SMPDL3B: variants seen among roughly 807,000 people sequenced by gnomAD.
SMPDL3B encodes the protein acid sphingomyelinase-like phosphodiesterase 3b.
A neutral mutation model predicts 37.9 loss-of-function variants in SMPDL3B; 31 were observed. The ratio of observed to expected loss-of-function variants is 0.82; its 90% CI spans 0.61 to 1.10. The LOEUF is 1.10. SMPDL3B is among the 50% of genes least tolerant of loss of function. The pLI is 0.00. For synonymous variants in SMPDL3B, 235 were observed against 242.6 expected, an observed-to-expected ratio of 0.97 and a Z score of 0.29; for missense variants, 525 against 597.8, an observed-to-expected ratio of 0.88 and a Z score of 1.27.
intron 1 of SMPDL3B, among the ~76,000 whole-genome samples, chr1:27,936,177 C>T (rs953786710): frequency 4.6e-5 from 7 of 152,126 alleles, no homozygotes; most frequent in African/African-American, 9.7e-5. Flanking sequence ...TGAGGCCAGA[C>T]GCAGTGGCTA....
Position 27,958,346 on chromosome 1 carries a change from G to A in SMPDL3B, c.1006-130G>A. The A allele has an allele frequency of 8.0e-7, 1 of 1,254,002 alleles. No homozygotes were observed. Among genetic ancestry groups the A allele is most frequent in the Non-Finnish European group, 1.1e-6 (1 of 906,886 alleles). The allele number at this position is 1,254,002 out of a possible 1,614,324, so 77.7% of individuals were successfully genotyped here. The stretch of plus-strand genomic sequence containing the variant: ...GTCTGCCAAGCACAATGGGTGCACA[G>A]CTAAGTGCTCAATAACTACTAGTGG... On this transcript the variant is annotated intron_variant, in intron 7 of 7. Coordinates refer to ENST00000373894, the MANE Select transcript of SMPDL3B (RefSeq NM_014474.4). This position sits in a 1 kb window ranked among gnomAD's most constrained non-coding sequence, Gnocchi z 5.6.
chr1:27,950,824 T>C (rs1240104786), intron 3 of SMPDL3B, among the ~76,000 whole-genome samples: 2 of 152,150 alleles, frequency 1.3e-5, no homozygotes, highest in African/African-American at 4.8e-5. Context: ...GAGATGGCAT[T>C]TCACTATGTT....
intron 1 of SMPDL3B, among the ~76,000 whole-genome samples, chr1:27,936,015 G>A (rs533956965): frequency 1.2e-4 from 18 of 152,272 alleles, no homozygotes; most frequent in Admixed American, 7.2e-4. Flanking sequence ...GGATAGCCTC[G>A]AAGACTCTCT....
chr1:27,956,420 CA>C, intron 7 of SMPDL3B: 1 of 1,276,370 alleles, frequency 7.8e-7, no homozygotes, highest in Non-Finnish European at 1.0e-6. Context: ...CCGTCCTGCT[CA>C]AAAACCTTCA....
Position 27,956,357 on chromosome 1 carries a change from G to A in SMPDL3B, c.1005+275G>A, listed in dbSNP as rs564136134. 1.5e-4 allele frequency: 196 copies of A among 1,333,850 alleles called. 1 individual carries two copies. In the Middle Eastern group the frequency reaches 2.4e-3, roughly 17 times the overall value. The allele number at this position is 1,333,850 out of a possible 1,614,324, so 82.6% of individuals were successfully genotyped here. On this transcript the variant is annotated intron_variant, in intron 7 of 7. Transcript: ENST00000373894. Reference sequence around the variant, plus strand: ...GGCCCTGCCCTGCTATGGCCCATCCGCTACACAAGAGAGAAGAAACTAATC... The same window carrying A: ...GGCCCTGCCCTGCTATGGCCCATCCACTACACAAGAGAGAAGAAACTAATC...
intron 1 of SMPDL3B, among the ~76,000 whole-genome samples, chr1:27,936,325 T>G (rs1008879992): frequency 6.6e-6 from 1 of 151,828 alleles, no homozygotes; most frequent in Admixed American, 6.6e-5. Flanking sequence ...TGGTAGTGGG[T>G]GCCTGTAGTG....
At chr1:27,943,618 A>C (rs980063069) in intron 1 of SMPDL3B, among the ~76,000 whole-genome samples, 3 of 152,132 alleles carry the variant, frequency 2.0e-5, no homozygotes, top group African/African-American at 7.2e-5. Context: ...GGGTGAGGAA[A>C]TCCTGGGCGT....
At chr1:27,935,266 C>T in intron 1 of SMPDL3B, 22 bp downstream of exon 1, 2 of 1,590,452 alleles carry the variant, frequency 1.3e-6, no homozygotes, top group Non-Finnish European at 1.7e-6. Flanking sequence ...GGAATGTCTG[C>T]TATGCCTTTG....
intron 2 of SMPDL3B, among the ~76,000 whole-genome samples, chr1:27,948,421 G>A (rs539774927): frequency 2.0e-5 from 3 of 151,992 alleles, no homozygotes; most frequent in South Asian, 2.1e-4. Flanking sequence ...CTGTCCGGAC[G>A]TCTCCCCATC....
At chr1:27,950,037 A>G (rs2090443127) in intron 3 of SMPDL3B, among the ~76,000 whole-genome samples, 1 of 152,122 alleles carries the variant, frequency 6.6e-6, no homozygotes, top group Non-Finnish European at 1.5e-5. Flanking sequence ...TGTGACCTCA[A>G]TTTTACTGAT....
rs746544808 is a variant in SMPDL3B, at chr1:27,958,542, G to T, written c.1072G>T (p.Glu358Ter). The part of the protein sequence containing the change: ...NAQGTPRWEL[E>*]YQLTEAYGVP... ...TCAGGGGACGCCGCGCTGGGAGCTCGAGTACCAGCTGACCGAGGCCTATGG... is the reference window on the plus strand; with the variant it reads ...TCAGGGGACGCCGCGCTGGGAGCTCTAGTACCAGCTGACCGAGGCCTATGG... Residue 358 changes from glutamate (E) to a stop codon, truncating the protein, a stop_gained, in exon 8 of 8, where the codon GAG (glutamate) becomes TAG (stop). Coordinates refer to ENST00000373894, the MANE Select transcript of SMPDL3B (RefSeq NM_014474.4). LOFTEE classifies it low-confidence loss of function (END_TRUNC). The surrounding 1 kb of genome is among the most constrained non-coding windows in gnomAD (Gnocchi z 5.6). 15 of 1,613,766 alleles carry T rather than the reference G, an allele frequency of 9.3e-6. No individual in the cohort carries two copies. The highest frequency in any genetic ancestry group is 1.2e-5 in the Non-Finnish European group (14 of 1,179,908).
chr1:27,937,263 G>A (rs1023489104), intron 1 of SMPDL3B, among the ~76,000 whole-genome samples: 5 of 152,138 alleles, frequency 3.3e-5, no homozygotes, highest in East Asian at 3.9e-4. Flanking sequence ...GTAACATTTC[G>A]CTCCTTCCTC....
chr1:27,953,294 C>A lies in SMPDL3B; in HGVS notation c.453C>A (p.Tyr151Ter). 6.2e-7 allele frequency: 1 copy of A among 1,613,764 alleles called. No homozygotes were observed. The highest frequency in any genetic ancestry group is 1.3e-5 in the African/African-American group (1 of 75,038). The change falls in exon 4 of 8, where the codon TAC becomes TAA. Residue 151 changes from tyrosine (Y) to a stop codon, truncating the protein, a stop_gained. Transcript: ENST00000373894. LOFTEE classifies it high-confidence loss of function. ...NQFPAGSNNIYNQIAELWKPW... is the reference protein window; with the variant it reads ...NQFPAGSNNI ...TCCCAGCTGGAAGTAACAACATCTACAATCAGATAGCAGAACTATGGAAAC... is the reference window on the plus strand; with the variant it reads ...TCCCAGCTGGAAGTAACAACATCTAAAATCAGATAGCAGAACTATGGAAAC...
chr1:27,954,745 G>C (rs1391453694), intron 5 of SMPDL3B, among the ~76,000 whole-genome samples: 1 of 152,184 alleles, frequency 6.6e-6, no homozygotes, highest in Non-Finnish European at 1.5e-5. Flanking sequence ...ATAAAGAGTG[G>C]TGACGGTCCC....
At chr1:27,941,599 T>C (rs2090359451) in intron 1 of SMPDL3B, 1 of 152,398 alleles carries the variant, frequency 6.6e-6, no homozygotes, top group African/African-American at 2.4e-5. Flanking sequence ...GTGATAGTGC[T>C]CTGAGAAAAA....
intron 1 of SMPDL3B, 39 bp downstream of exon 1, chr1:27,935,283 A>G (rs1410433639): frequency 6.7e-7 from 1 of 1,495,644 alleles, no homozygotes; most frequent in East Asian, 2.3e-5. Flanking sequence ...TTTGTTTTGT[A>G]CTGTGAACTC....
Position 27,958,497 on chromosome 1 carries a change from AACCTGAGCCAGGCGAATGCTC to A in SMPDL3B, c.1029_1049del (p.Asn343_Gln350delinsLys). ...CCAGGACATGGTGACCTACTTCATG[AACCTGAGCCAGGCGAATGCTC>A]AGGGGACGCCGCGCTGGGAGCTCGA... On this transcript the variant is annotated inframe_deletion, in exon 8 of 8. Transcript: ENST00000373894. The surrounding 1 kb of genome is among the most constrained non-coding windows in gnomAD (Gnocchi z 5.6). The A allele has an allele frequency of 6.2e-7, 1 of 1,605,722 alleles. No homozygotes were observed. Among genetic ancestry groups the A allele is most frequent in the Non-Finnish European group, 8.5e-7 (1 of 1,173,212 alleles).
chr1:27,944,921 C>T (rs573638970), intron 1 of SMPDL3B, among the ~76,000 whole-genome samples: 4 of 152,262 alleles, frequency 2.6e-5, no homozygotes, highest in Admixed American at 2.6e-4. Context: ...CCCGCCTTTG[C>T]TTTAAAACAA....
intron 1 of SMPDL3B, among the ~76,000 whole-genome samples, chr1:27,936,322 G>A (rs1360242891): frequency 6.6e-6 from 1 of 151,968 alleles, no homozygotes; most frequent in African/African-American, 2.4e-5. Context: ...GTGTGGTAGT[G>A]GGTGCCTGTA....
Sources: allele counts gnomAD v4.1 joint callset (sites outside exome capture counted in the v4.1 genomes callset), GRCh38; gene constraint gnomAD v4.1.1; non-coding constraint Gnocchi (gnomAD v3.1); transcripts MANE v1.5; gene names NCBI Gene and HGNC (gene_info 2026-07-23, HGNC 2026-07-21).